UGP2: variants seen among roughly 807,000 people sequenced by gnomAD.
The protein encoded by UGP2 is UTP--glucose-1-phosphate uridylyltransferase.
UGP2 carries 40 observed loss-of-function variants against 49.0 expected under a neutral mutation model. The ratio of observed to expected loss-of-function variants is 0.82; its 90% confidence interval spans 0.63 to 1.06. The LOEUF (loss-of-function observed/expected upper bound fraction) is 1.06. Among genes scored for constraint, UGP2 ranks in the 50% least tolerant of loss-of-function variants. The probability of loss-of-function intolerance (pLI) is 0.00; values close to 1 mark genes in which losing one functional copy is unlikely to be tolerated. For synonymous variants in UGP2, 225 were observed against 213.0 expected, an observed-to-expected ratio of 1.06 and a Z score of -0.49; for missense variants, 460 against 603.5, an observed-to-expected ratio of 0.76 and a Z score of 2.49.
At chr2:63,851,776 A>C (rs78554141) in intron 1 of UGP2, among the ~76,000 whole-genome samples, 1 of 152,186 alleles carries the variant, frequency 6.6e-6, no homozygotes, top group Non-Finnish European at 1.5e-5. Flanking sequence ...TTTTTATCCC[A>C]TAAATCCTGA....
At position 63,842,096 on chromosome 2, in the gene UGP2, T is replaced by A; in HGVS notation, c.-90T>A. On this transcript the variant is annotated 5_prime_UTR_variant, in exon 1 of 10. Transcript: ENST00000337130. Reference sequence around the variant, plus strand: ...GGAGGAGAAAGAATACATCGGTTGTTAAAGCAGGAGAGGAAGAGAGACCTG... The same window carrying A: ...GGAGGAGAAAGAATACATCGGTTGTAAAAGCAGGAGAGGAAGAGAGACCTG... 2 of 1,474,184 alleles carry A rather than the reference T, an allele frequency of 1.4e-6. No individual in the cohort carries two copies. Among genetic ancestry groups the A allele is most frequent in the Non-Finnish European group, 1.8e-6 (2 of 1,102,956 alleles). 91.3% of individuals were successfully genotyped at this position (1,474,184 alleles called of 1,614,324 possible). A position where few individuals can be genotyped will look rare whatever the true frequency, so the allele number is the denominator to read the frequency against.
At position 63,887,568 on chromosome 2, in the gene UGP2, C is replaced by A; in HGVS notation, c.1238C>A (p.Ala413Glu). 6.2e-7 allele frequency: 1 copy of A among 1,614,128 alleles called. No homozygotes were observed. Among genetic ancestry groups the A allele is most frequent in the Non-Finnish European group, 8.5e-7 (1 of 1,180,018 alleles). Residue 413 changes from alanine to glutamate, a missense_variant, in exon 8 of 10, where the codon GCA (alanine) becomes GAA (glutamate). Physicochemically the swap from Ala to Glu is moderately radical, Grantham distance 107. Around this residue, in one of 2 missense-constraint regions of UGP2, gnomAD observed 317 missense variants for 473.0 expected, o/e 0.67. Coordinates refer to ENST00000337130, the MANE Select transcript of UGP2 (RefSeq NM_006759.4). Reference protein sequence around the residue: ...LVMSNLYSLNAGSLTMSEKRE... With the variant: ...LVMSNLYSLNEGSLTMSEKRE... Reference sequence around the variant, plus strand: ...ATGTCAAACCTCTATAGTCTTAATGCAGGATCTCTGACAATGAGTGAAAAG... The same window carrying A: ...ATGTCAAACCTCTATAGTCTTAATGAAGGATCTCTGACAATGAGTGAAAAG...
At chr2:63,846,732 T>G (rs939130926) in intron 1 of UGP2, among the ~76,000 whole-genome samples, 28 of 152,222 alleles carry the variant, frequency 1.8e-4, no homozygotes, top group African/African-American at 6.8e-4. Context: ...TTCTGGGGCC[T>G]GGTTCTTCTC....
chr2:63,842,532 T>C lies in UGP2; in HGVS notation c.19+328T>C. ...ATCCTTGTTCTCTTTTCCTGGTCTG[T>C]GTCAAGGTACCTGTGCGTGCACGCA... On this transcript the variant is annotated intron_variant, in intron 1 of 9. Transcript: ENST00000337130. The C allele has an allele frequency of 2.0e-6, 3 of 1,531,594 alleles. No individual in the cohort carries two copies. In the South Asian group the frequency reaches 3.6e-5, roughly 18 times the overall value. The allele number at this position is 1,531,594 out of a possible 1,614,324, so 94.9% of individuals were successfully genotyped here.
chr2:63,879,388 T>C (rs1671141835), intron 3 of UGP2, among the ~76,000 whole-genome samples: 2 of 152,246 alleles, frequency 1.3e-5, no homozygotes, highest in African/African-American at 2.4e-5. Flanking sequence ...TAAGCATTTA[T>C]ACTTTGATAA....
chr2:63,842,322 AC>A (rs1277057160), intron 1 of UGP2, 118 bp downstream of exon 1: 2 of 1,606,584 alleles, frequency 1.2e-6, no homozygotes, highest in African/African-American at 1.3e-5. Context: ...CATTTGCGAA[AC>A]CCTTTTCGTT....
intron 3 of UGP2, among the ~76,000 whole-genome samples, chr2:63,861,093 CCTT>C (rs1163704853): frequency 1.3e-5 from 2 of 151,798 alleles, no homozygotes; most frequent in Non-Finnish European, 1.5e-5. Flanking sequence ...ATGCTCTGCT[CCTT>C]CTTTGTAAAT....
intron 3 of UGP2, among the ~76,000 whole-genome samples, chr2:63,867,885 A>G (rs558954461): frequency 3.3e-5 from 5 of 152,326 alleles, no homozygotes; most frequent in Admixed American, 2.0e-4. Context: ...TGTTATTGCA[A>G]AGATACACTT....
Position 63,890,082 on chromosome 2 carries a change from T to C in UGP2, c.1316T>C (p.Val439Ala), listed in dbSNP as rs141997600. ...TTTATGTTTCTCCTTTTCTGTAAGG[T>C]TCAAGATTATCTAAGAAGATTTGAA... is the stretch of plus-strand genomic sequence containing the variant. ...LVKLGSSFTK[V>A]QDYLRRFESI... The change falls in exon 9 of 10, where the codon GTT (valine) becomes GCT (alanine). Residue 439 changes from valine to alanine, a missense_variant and splice_region_variant. Transcript: ENST00000337130. The C allele has an allele frequency of 1.9e-5, 31 of 1,605,652 alleles. No homozygotes were observed. Among genetic ancestry groups the C allele is most frequent in the Non-Finnish European group, 2.5e-5 (29 of 1,176,384 alleles).
intron 3 of UGP2, among the ~76,000 whole-genome samples, chr2:63,878,294 G>A (rs1436033569): frequency 6.6e-6 from 1 of 152,146 alleles, no homozygotes; most frequent in Non-Finnish European, 1.5e-5. Context: ...ATAGCCAGCA[G>A]GTGAAAAGTG....
intron 3 of UGP2, among the ~76,000 whole-genome samples, chr2:63,880,323 A>G (rs1397120809): frequency 3.3e-5 from 5 of 151,848 alleles, no homozygotes; most frequent in African/African-American, 1.2e-4. Flanking sequence ...ACAGGCATGC[A>G]CCACCATGCC....
At chr2:63,873,028 G>T (rs1309481701) in intron 3 of UGP2, among the ~76,000 whole-genome samples, 1 of 152,034 alleles carries the variant, frequency 6.6e-6, no homozygotes, top group Non-Finnish European at 1.5e-5. Flanking sequence ...GTGCAATCCT[G>T]TATGAATGAT....
chr2:63,841,496 C>G (rs1195820153), upstream of UGP2, among the ~76,000 whole-genome samples: 1 of 152,142 alleles, frequency 6.6e-6, no homozygotes, highest in Non-Finnish European at 1.5e-5. Context: ...TAGCCTTCGG[C>G]CCCTACCGAG....
At chr2:63,854,075 C>T (rs1188968776) in intron 1 of UGP2, among the ~76,000 whole-genome samples, 1 of 152,150 alleles carries the variant, frequency 6.6e-6, no homozygotes, top group African/African-American at 2.4e-5. Context: ...AAAACATTAG[C>T]AAGGTATTTC....
rs113315061 is a variant in UGP2 at position 63,863,065 on chromosome 2, T to A, written c.255+5129T>A. On this transcript the variant is annotated intron_variant, in intron 3 of 9. Coordinates refer to ENST00000337130, the MANE Select transcript of UGP2 (RefSeq NM_006759.4). ...TTAGCTGATAAGGATATGGGTCAGATGTTCCACAAGGTTGACTAATTTTAT... is the reference window on the plus strand; with the variant it reads ...TTAGCTGATAAGGATATGGGTCAGAAGTTCCACAAGGTTGACTAATTTTAT... 2.1e-4 allele frequency: 60 copies of A among 287,646 alleles called. 3 individuals carry two copies. The highest frequency in any genetic ancestry group is 1.1e-3 in the Middle Eastern group (2 of 1,898). 17.8% of individuals were successfully genotyped at this position (287,646 alleles called of 1,614,324 possible). A position where few individuals can be genotyped will look rare whatever the true frequency, so the allele number is the denominator to read the frequency against.
chr2:63,867,861 G>T (rs12474366), intron 3 of UGP2, among the ~76,000 whole-genome samples: 29,676 of 152,044 alleles, frequency 0.2, 3,823 homozygotes, highest in Non-Finnish European at 0.26. Context: ...AACTCATCTA[G>T]CCTAACAAAT....
chr2:63,882,233 C>G (rs527645583), intron 3 of UGP2, among the ~76,000 whole-genome samples: 2 of 152,176 alleles, frequency 1.3e-5, no homozygotes, highest in African/African-American at 4.8e-5. Flanking sequence ...TCCCCCTTCT[C>G]GTACTCCATT....
At chr2:63,854,586 T>G (rs2104270294) in intron 1 of UGP2, among the ~76,000 whole-genome samples, 1 of 152,130 alleles carries the variant, frequency 6.6e-6, no homozygotes, top group South Asian at 2.1e-4. Context: ...TGTGCCCAGA[T>G]GCTTAAGATA....
chr2:63,850,785 G>T (rs1668997349), intron 1 of UGP2, among the ~76,000 whole-genome samples: 1 of 152,120 alleles, frequency 6.6e-6, no homozygotes, highest in African/African-American at 2.4e-5. Context: ...TCTGTGACCA[G>T]ACATCATGGC....
Sources: gnomAD v4.1 joint callset for allele counts (sites outside exome capture counted in the v4.1 genomes callset) on GRCh38, gnomAD v4.1.1 for gene constraint, gnomAD v4.1.1 regional missense constraint, MANE v1.5 for transcripts, NCBI Gene and HGNC (gene_info 2026-07-23, HGNC 2026-07-21) for gene names.